The following PRDM2 variants were observed in gnomAD, a reference collection of about 807,000 sequenced individuals.
The protein encoded by PRDM2 is PR domain zinc finger protein 2.
PRDM2 carries 30 observed loss-of-function variants against 130.0 expected under a neutral mutation model. The ratio of observed to expected loss-of-function variants is 0.23; its 90% CI spans 0.17 to 0.31. The LOEUF is 0.31. Ranked by LOEUF, PRDM2 falls within the 10% of genes least tolerant of loss-of-function variation. The pLI is 1.00. For synonymous variants in PRDM2, 871 were observed against 782.4 expected, an observed-to-expected ratio of 1.11 and a Z score of -1.89; for missense variants, 2,011 against 2,108.4, an observed-to-expected ratio of 0.95 and a Z score of 0.90.
intron 8 of PRDM2, among the ~76,000 whole-genome samples, chr1:13,814,208 G>C (rs533384504): frequency 6.6e-6 from 1 of 152,196 alleles, no homozygotes; most frequent in African/African-American, 2.4e-5. Flanking sequence ...TGGGGTTGGC[G>C]GGGGTGGCCA....
At chr1:13,818,474 G>T (rs1446410236) in intron 9 of PRDM2, among the ~76,000 whole-genome samples, 1 of 148,412 alleles carries the variant, frequency 6.7e-6, no homozygotes, top group Non-Finnish European at 1.5e-5. Flanking sequence ...CACCTCCCAG[G>T]TTCAAGCGAT....
chr1:13,767,168 T>C (rs953335061), intron 6 of PRDM2, among the ~76,000 whole-genome samples: 11 of 152,218 alleles, frequency 7.2e-5, no homozygotes, highest in African/African-American at 2.7e-4. Flanking sequence ...TATTACTCAG[T>C]GGTGAATCAT....
chr1:13,810,284 C>A (rs894370926), intron 8 of PRDM2, among the ~76,000 whole-genome samples: 1 of 152,224 alleles, frequency 6.6e-6, no homozygotes, highest in South Asian at 2.1e-4. Context: ...TACCCTTGAA[C>A]TTGCCCTCCT....
chr1:13,781,431 T>G lies in PRDM2; in HGVS notation c.3636T>G (p.Asp1212Glu). The change falls in exon 8 of 10, where the codon GAT becomes GAG. Residue 1212 changes from aspartate (D) to glutamate (E), a missense_variant. Around this residue, in one of 5 missense-constraint regions of PRDM2, gnomAD observed 229 missense variants for 364.1 expected, o/e 0.63. Coordinates refer to ENST00000311066, the MANE Select transcript of PRDM2 (RefSeq NM_001393986.1). The surrounding 1 kb of genome is among the most constrained non-coding windows in gnomAD (Gnocchi z 6.1). ...FLCNLQQHQRDLHPDKVCTHH... is the reference protein window; with the variant it reads ...FLCNLQQHQRELHPDKVCTHH... ...GCAATTTGCAGCAGCACCAGCGAGA[T>G]CTCCACCCAGATAAGGTGTGCACAC... 1 of 1,613,996 alleles carries G rather than the reference T, an allele frequency of 6.2e-7. No individual in the cohort carries two copies. Among genetic ancestry groups the G allele is most frequent in the Non-Finnish European group, 8.5e-7 (1 of 1,180,026 alleles).
rs190011559 is a variant in PRDM2 at position 13,782,269 on chromosome 1, C to T, written c.4474C>T (p.His1492Tyr). 1.9e-6 allele frequency: 3 copies of T among 1,613,850 alleles called. No homozygotes were observed. Among genetic ancestry groups the T allele is most frequent in the Middle Eastern group, 1.7e-4 (1 of 6,060 alleles). ...PLSPPKKKVS[H>Y]SSKKGGHSSP... ...TTCTCCTCCCAAAAAAAAAGTTTCT[C>T]ATTCATCTAAGAAAGGTGGACACTC... The change falls in exon 8 of 10, where the codon CAT becomes TAT. Residue 1492 changes from histidine (H) to tyrosine (Y), a missense_variant. This residue lies in a region of PRDM2 where 410 missense variants were observed against 395.9 expected (regional missense o/e 1.04). Transcript: ENST00000311066.
chr1:13,795,918 G>GC (rs1227652279), intron 8 of PRDM2, among the ~76,000 whole-genome samples: 5 of 152,158 alleles, frequency 3.3e-5, no homozygotes. Context: ...CCAGGGTGCT[G>GC]CATAGAACTG....
chr1:13,753,989 G>GATGA (rs1221372364), intron 6 of PRDM2, among the ~76,000 whole-genome samples: 3 of 152,176 alleles, frequency 2.0e-5, no homozygotes, highest in Non-Finnish European at 4.4e-5. Context: ...CAGGCCAACA[G>GATGA]ATGAAGTAGG....
intron 2 of PRDM2, chr1:13,722,997 T>A: frequency 2.7e-6 from 1 of 374,140 alleles, no homozygotes. Flanking sequence ...CTGAATTGAG[T>A]CCAGCTCTTT....
chr1:13,803,148 C>T lies in PRDM2; in HGVS notation c.5037-13279C>T, dbSNP rs567129566. On this transcript the variant is annotated intron_variant, in intron 8 of 9. Transcript: ENST00000311066. This position sits in a 1 kb window ranked among gnomAD's most constrained non-coding sequence, Gnocchi z 6.2. The stretch of plus-strand genomic sequence containing the variant: ...TGTAGGGTTAGGTTCACAGAACTGT[C>T]GTAAAAATGGGGACCTTGTCCCCTG... Among the ~76,000 whole-genome samples, 15 of 152,266 alleles carry T rather than the reference C, an allele frequency of 9.9e-5. No homozygotes were observed. Among genetic ancestry groups the T allele is most frequent in the South Asian group, 2.1e-4 (1 of 4,834 alleles).
At chr1:13,775,379 A>G (rs1644453123) in intron 7 of PRDM2, among the ~76,000 whole-genome samples, 1 of 152,200 alleles carries the variant, frequency 6.6e-6, no homozygotes, top group Non-Finnish European at 1.5e-5. Flanking sequence ...CTGTTGTCTC[A>G]TTTCAACTCT....
intron 8 of PRDM2, among the ~76,000 whole-genome samples, chr1:13,812,762 C>G (rs540960442): frequency 6.6e-6 from 1 of 152,336 alleles, no homozygotes; most frequent in South Asian, 2.1e-4. Context: ...TGGCTCACCT[C>G]CTGCTCCGAT....
intron 7 of PRDM2, chr1:13,773,403 A>G (rs1203677): frequency 0.34 from 116,272 of 343,648 alleles, 20,543 homozygotes; most frequent in Admixed American, 0.49. Flanking sequence ...TTAAAAATGA[A>G]CTTGTTCCTT....
intron 6 of PRDM2, among the ~76,000 whole-genome samples, chr1:13,754,569 G>A (rs1287127651): frequency 6.6e-6 from 1 of 152,222 alleles, no homozygotes; most frequent in Non-Finnish European, 1.5e-5. Context: ...TGACAGCATT[G>A]GTTCCATTTA....
intron 8 of PRDM2, among the ~76,000 whole-genome samples, chr1:13,791,745 T>C (rs1346847967): frequency 6.6e-6 from 1 of 152,220 alleles, no homozygotes; most frequent in Admixed American, 6.5e-5. Flanking sequence ...TTGCAAAAAT[T>C]GCATTTAATT....
intron 5 of PRDM2, among the ~76,000 whole-genome samples, chr1:13,746,291 T>C (rs2100522106): frequency 6.6e-6 from 1 of 151,752 alleles, no homozygotes; most frequent in Admixed American, 6.5e-5. Flanking sequence ...TTGAAGGGAG[T>C]AGTTTTTCTT....
intron 6 of PRDM2, among the ~76,000 whole-genome samples, chr1:13,750,016 C>T (rs1643769381): frequency 6.6e-6 from 1 of 152,112 alleles, no homozygotes; most frequent in Non-Finnish European, 1.5e-5. Context: ...CAGGAGGCGG[C>T]GGGGAGGGCA....
At chr1:13,711,326 G>A (rs1642364223) in intron 1 of PRDM2, among the ~76,000 whole-genome samples, 1 of 152,200 alleles carries the variant, frequency 6.6e-6, no homozygotes, top group Non-Finnish European at 1.5e-5. Context: ...GTTTTGAGCA[G>A]TGCTGGAGGA....
intron 6 of PRDM2, among the ~76,000 whole-genome samples, chr1:13,763,549 A>G (rs1262437685): frequency 6.6e-6 from 1 of 152,210 alleles, no homozygotes; most frequent in Non-Finnish European, 1.5e-5. Context: ...CAAGAGAGAA[A>G]CACTTGAGCA....
intron 7 of PRDM2, among the ~76,000 whole-genome samples, chr1:13,777,823 A>G (rs1052373785): frequency 6.6e-6 from 1 of 151,684 alleles, no homozygotes; most frequent in Non-Finnish European, 1.5e-5. Flanking sequence ...TAACTTGGCT[A>G]GGCTTAGAAG....
Sources: gnomAD v4.1 joint callset for allele counts (sites outside exome capture counted in the v4.1 genomes callset) on GRCh38, gnomAD v4.1.1 for gene constraint, gnomAD v4.1.1 regional missense constraint, Gnocchi (gnomAD v3.1) non-coding constraint, MANE v1.5 for transcripts, NCBI Gene and HGNC (gene_info 2026-07-23, HGNC 2026-07-21) for gene names.